MYLK: variants seen among roughly 807,000 people sequenced by gnomAD.
The protein encoded by MYLK is myosin light chain kinase, smooth muscle.
In MYLK, 106 loss-of-function variants were observed where a neutral mutation model predicts 203.4. That is an observed-to-expected ratio of 0.52 (90% CI 0.45 to 0.61). The LOEUF (loss-of-function observed/expected upper bound fraction) is 0.61, where lower values mean the gene tolerates loss of function less well. MYLK is among the 20% of genes least tolerant of loss of function. The probability of loss-of-function intolerance (pLI) is 0.00; values close to 1 mark genes in which losing one functional copy is unlikely to be tolerated. For synonymous variants in MYLK, 867 were observed against 959.5 expected (o/e 0.90, Z 1.78); for missense variants, 2,072 against 2,442.3 (o/e 0.85, Z 3.20).
intron 4 of MYLK, among the ~76,000 whole-genome samples, chr3:123,758,140 G>C (rs1239119572): frequency 1.3e-5 from 2 of 152,118 alleles, no homozygotes; most frequent in Non-Finnish European, 2.9e-5. Context: ...GGTATGTTAT[G>C]AGGGTGAAGA....
At chr3:123,740,714 C>T (rs565537436) in intron 5 of MYLK, among the ~76,000 whole-genome samples, 9 of 151,750 alleles carry the variant, frequency 5.9e-5, no homozygotes, top group Non-Finnish European at 1.0e-4. Context: ...CTGGGCAAGG[C>T]GCTGCTATGC....
chr3:123,619,389 G>C (rs1455047679), intron 32 of MYLK, among the ~76,000 whole-genome samples: 1 of 152,184 alleles, frequency 6.6e-6, no homozygotes, highest in Non-Finnish European at 1.5e-5. Flanking sequence ...GGAGGGACCA[G>C]GCCTGTGTGC....
At chr3:123,767,392 A>G (rs2063740475) in intron 4 of MYLK, among the ~76,000 whole-genome samples, 1 of 152,214 alleles carries the variant, frequency 6.6e-6, no homozygotes, top group Admixed American at 6.5e-5. Flanking sequence ...AGATCACCTG[A>G]GATCAGGAGT....
At chr3:123,729,188 C>T (rs150774172) in intron 11 of MYLK, among the ~76,000 whole-genome samples, 1 of 152,104 alleles carries the variant, frequency 6.6e-6, no homozygotes, top group African/African-American at 2.4e-5. Context: ...TAAAGCAGAG[C>T]TGTAAACTGC....
intron 4 of MYLK, among the ~76,000 whole-genome samples, chr3:123,765,223 G>A (rs1396675278): frequency 6.6e-6 from 1 of 152,078 alleles, no homozygotes; most frequent in Admixed American, 6.5e-5. Context: ...TTGAAAGCAG[G>A]GACTTGAAAA....
chr3:123,682,184 T>G, intron 20 of MYLK, 40 bp downstream of exon 20: 2 of 1,524,500 alleles, frequency 1.3e-6, no homozygotes, highest in Non-Finnish European at 1.8e-6. Flanking sequence ...TGCCTGCCCC[T>G]GCCTCTGCCT....
intron 9 of MYLK, chr3:123,735,182 T>A: frequency 4.9e-6 from 3 of 611,992 alleles, no homozygotes; most frequent in South Asian, 1.9e-5. Flanking sequence ...CAACACTGAG[T>A]TTTCCAGTCT....
chr3:123,817,631 C>T (rs906263977), intron 3 of MYLK, among the ~76,000 whole-genome samples: 19 of 152,192 alleles, frequency 1.2e-4, no homozygotes, highest in African/African-American at 4.6e-4. Flanking sequence ...GAATCTTATT[C>T]TGTCCCAAAC....
chr3:123,643,321 T>G (rs1023959854), intron 27 of MYLK, among the ~76,000 whole-genome samples: 1 of 152,178 alleles, frequency 6.6e-6, no homozygotes, highest in African/African-American at 2.4e-5. Context: ...ATTTAAATTT[T>G]AAATATTCTG....
chr3:123,837,663 A>G (rs1380904829), intron 2 of MYLK, among the ~76,000 whole-genome samples: 1 of 151,920 alleles, frequency 6.6e-6, no homozygotes, highest in African/African-American at 2.4e-5. Context: ...GTGCACTTGC[A>G]TCACCTGTAA....
At chr3:123,805,296 C>T (rs2065330405) in intron 3 of MYLK, among the ~76,000 whole-genome samples, 1 of 152,182 alleles carries the variant, frequency 6.6e-6, no homozygotes, top group Non-Finnish European at 1.5e-5. Flanking sequence ...CAATCTGCCT[C>T]CCGTGGCTGA....
chr3:123,647,158 G>A, intron 27 of MYLK, 66 bp downstream of exon 27: 2 of 1,460,490 alleles, frequency 1.4e-6, no homozygotes, highest in Admixed American at 1.7e-5. Context: ...GCTGGGGTAG[G>A]GCAGTAGGGG....
At chr3:123,695,669 C>T (rs1165899228) in intron 18 of MYLK, among the ~76,000 whole-genome samples, 1 of 152,164 alleles carries the variant, frequency 6.6e-6, no homozygotes, top group East Asian at 1.9e-4. Context: ...GTAGGATGAA[C>T]TTACATGGGT....
intron 19 of MYLK, among the ~76,000 whole-genome samples, chr3:123,686,468 C>T (rs2060461444): frequency 6.6e-6 from 1 of 151,946 alleles, no homozygotes; most frequent in African/African-American, 2.4e-5. Flanking sequence ...AGGGGTCCAG[C>T]TTCTAGGGGC....
intron 2 of MYLK, among the ~76,000 whole-genome samples, chr3:123,840,415 G>GTC (rs142347556): frequency 1.4e-4 from 21 of 148,386 alleles, no homozygotes; most frequent in African/African-American, 5.0e-4. Context: ...TATAGAACAA[G>GTC]TCTCTCTCTC....
At chr3:123,807,209 A>T (rs2065399044) in intron 3 of MYLK, among the ~76,000 whole-genome samples, 1 of 152,048 alleles carries the variant, frequency 6.6e-6, no homozygotes. Context: ...CGGGGGCATG[A>T]CCTGAGGTCA....
intron 2 of MYLK, among the ~76,000 whole-genome samples, chr3:123,841,576 A>G (rs1167776528): frequency 1.3e-5 from 2 of 152,040 alleles, no homozygotes; most frequent in Non-Finnish European, 2.9e-5. Context: ...TTCCGTCTTC[A>G]GACATCCTCT....
intron 2 of MYLK, among the ~76,000 whole-genome samples, chr3:123,851,922 A>G (rs1685693713): frequency 6.6e-6 from 1 of 152,360 alleles, no homozygotes; most frequent in South Asian, 2.1e-4. Context: ...ACATCCAATC[A>G]ATACCTAAAT....
chr3:123,687,007 A>C (rs2060481756), intron 19 of MYLK, among the ~76,000 whole-genome samples: 2 of 152,120 alleles, frequency 1.3e-5, no homozygotes, highest in South Asian at 4.2e-4. Flanking sequence ...GGATCACCTG[A>C]GGTCAGGAGT....
Sources: allele counts gnomAD v4.1 joint callset (sites outside exome capture counted in the v4.1 genomes callset), GRCh38; gene constraint gnomAD v4.1.1; transcripts MANE v1.5; gene names NCBI Gene and HGNC (gene_info 2026-07-23, HGNC 2026-07-21).